Variants in KANSL1L observed in about 807,000 individuals in gnomAD.
The protein encoded by KANSL1L is KAT8 regulatory NSL complex subunit 1-like protein.
A neutral mutation model predicts 108.6 loss-of-function variants in KANSL1L; 25 were observed. The ratio of observed to expected loss-of-function variants is 0.23; its 90% confidence interval spans 0.17 to 0.32. KANSL1L has a LOEUF of 0.32. KANSL1L is among the 10% of genes least tolerant of loss of function. The probability of loss-of-function intolerance (pLI) is 1.00; values close to 1 mark genes in which losing one functional copy is unlikely to be tolerated. For missense variants in KANSL1L, 1,137 were observed against 1,125.7 expected (o/e 1.01, Z -0.14); for synonymous variants, 405 against 395.1 (o/e 1.03, Z -0.30).
intron 3 of KANSL1L, among the ~76,000 whole-genome samples, chr2:210,117,271 A>G (rs2094963778): frequency 6.6e-6 from 1 of 152,240 alleles, no homozygotes; most frequent in African/African-American, 2.4e-5. Context: ...TCAAAAGGGC[A>G]AACCTAAGAT....
At chr2:210,026,258 A>C (rs542980793) in intron 12 of KANSL1L, 27 of 152,336 alleles carry the variant, frequency 1.8e-4, no homozygotes, top group African/African-American at 5.5e-4. Flanking sequence ...ACAGAAACCA[A>C]GTGTCTTCAA....
chr2:210,162,074 A>T (rs2370882), intron 1 of KANSL1L, among the ~76,000 whole-genome samples: 136,818 of 146,332 alleles, frequency 0.93, 64,396 homozygotes, highest in Non-Finnish European at 0.98. Flanking sequence ...AAAAAAAAAA[A>T]AAATATATAT....
intron 3 of KANSL1L, among the ~76,000 whole-genome samples, chr2:210,125,486 A>G (rs1235102988): frequency 6.6e-6 from 1 of 152,188 alleles, no homozygotes; most frequent in Non-Finnish European, 1.5e-5. Context: ...CATTATCCTG[A>G]TGCCAAAGCC....
At chr2:210,077,837 C>T (rs2094553117) in intron 5 of KANSL1L, among the ~76,000 whole-genome samples, 1 of 152,176 alleles carries the variant, frequency 6.6e-6, no homozygotes, top group South Asian at 2.1e-4. Flanking sequence ...GAGCCCTCAT[C>T]TTATGAAATG....
At chr2:210,142,956 T>C (rs2125598288) in intron 2 of KANSL1L, among the ~76,000 whole-genome samples, 1 of 152,252 alleles carries the variant, frequency 6.6e-6, no homozygotes. Flanking sequence ...CTCTGTTAGG[T>C]CCATTTGGCC....
rs1553637881 is a variant in KANSL1L, at chr2:210,022,003, C to CATCT, written c.*945_*946insAGAT. On this transcript the variant is annotated 3_prime_UTR_variant, in exon 15 of 15. Transcript: ENST00000281772. Reference sequence around the variant, plus strand: ...CTTGCTAATCTAGAAATACAATCATCTTTTTTTTTTTTTTCAAATTTTATA... The same window carrying CATCT: ...CTTGCTAATCTAGAAATACAATCATCATCTTTTTTTTTTTTTTTCAAATTTTATA... The CATCT allele has an allele frequency of 7.4e-6, 1 of 134,682 alleles. No individual in the cohort carries two copies. Among genetic ancestry groups the CATCT allele is most frequent in the African/African-American group, 2.7e-5 (1 of 36,638 alleles). The allele number at this position is 134,682 out of a possible 1,614,324, so 8.3% of individuals were successfully genotyped here. A position where few individuals can be genotyped will look rare whatever the true frequency, so the allele number is the denominator to read the frequency against.
intron 3 of KANSL1L, among the ~76,000 whole-genome samples, chr2:210,111,643 A>G (rs572072170): frequency 1.1e-4 from 17 of 152,332 alleles, no homozygotes; most frequent in African/African-American, 4.1e-4. Context: ...AAGCAACATA[A>G]AGACAATCCT....
At chr2:210,031,251 A>G (rs1017211329) in intron 9 of KANSL1L, 170 bp downstream of exon 9, 1 of 533,130 alleles carries the variant, frequency 1.9e-6, no homozygotes, top group African/African-American at 2.0e-5. Context: ...CAGTCCACAA[A>G]TAATTCTAAA....
chr2:210,037,477 T>C (rs1348619586), intron 8 of KANSL1L, among the ~76,000 whole-genome samples: 1 of 152,214 alleles, frequency 6.6e-6, no homozygotes, highest in Non-Finnish European at 1.5e-5. Flanking sequence ...AATACTTATA[T>C]TTTTCTGTAT....
intron 7 of KANSL1L, among the ~76,000 whole-genome samples, chr2:210,041,449 T>G (rs1559508310): frequency 6.6e-6 from 1 of 152,186 alleles, no homozygotes. Context: ...TTTGTTTTTA[T>G]TCTTGAGACA....
rs889186293 is a variant in KANSL1L at position 210,106,037 on chromosome 2, A to C, written c.1231-1736T>G. ...GAAGCCCCTACTGCAGGATAACAAA[A>C]GAAATCTAAGAGAGAAACCATTTGA... is the stretch of plus-strand genomic sequence containing the variant. On this transcript the variant is annotated intron_variant, in intron 3 of 14. Transcript: ENST00000281772. Among the ~76,000 whole-genome samples the C allele has an allele frequency of 2.6e-5, 4 of 152,250 alleles. No homozygotes were observed. In the East Asian group the frequency reaches 7.7e-4, roughly 29 times the overall value.
At chr2:210,050,584 G>T (rs1012822753) in intron 6 of KANSL1L, among the ~76,000 whole-genome samples, 1 of 151,486 alleles carries the variant, frequency 6.6e-6, no homozygotes, top group South Asian at 2.1e-4. Flanking sequence ...TGGCAGGTGC[G>T]TGGTTCACAC....
At chr2:210,103,960 TA>T (rs969662447) in intron 4 of KANSL1L, 143 bp downstream of exon 4, 1 of 588,998 alleles carries the variant, frequency 1.7e-6, no homozygotes, top group African/African-American at 1.9e-5. Flanking sequence ...ATATGTCAAA[TA>T]TTTTAATTGT....
chr2:210,120,806 A>C (rs2095010323), intron 3 of KANSL1L, among the ~76,000 whole-genome samples: 1 of 152,198 alleles, frequency 6.6e-6, no homozygotes, highest in Non-Finnish European at 1.5e-5. Flanking sequence ...ACAAGAAATA[A>C]ACAAACAACC....
intron 7 of KANSL1L, among the ~76,000 whole-genome samples, chr2:210,041,185 A>G (rs940202664): frequency 2.0e-5 from 3 of 152,172 alleles, no homozygotes; most frequent in Non-Finnish European, 4.4e-5. Context: ...TACTCTCACA[A>G]CCAAAGAGGA....
chr2:210,151,523 G>A (rs1003216030), intron 2 of KANSL1L: 24 of 152,296 alleles, frequency 1.6e-4, no homozygotes, highest in African/African-American at 5.5e-4. Context: ...AAGTATCAGT[G>A]ATGCAATGTT....
At chr2:210,142,163 A>T (rs1443926601) in intron 2 of KANSL1L, among the ~76,000 whole-genome samples, 1 of 151,504 alleles carries the variant, frequency 6.6e-6, no homozygotes, top group Non-Finnish European at 1.5e-5. Context: ...GGGGGACTTT[A>T]TTACTGTTTT....
chr2:210,166,315 G>A (rs1310054289), intron 1 of KANSL1L, among the ~76,000 whole-genome samples: 1 of 152,092 alleles, frequency 6.6e-6, no homozygotes, highest in South Asian at 2.1e-4. Context: ...TAATTACCAA[G>A]TCAATAGTTA....
At chr2:210,163,804 A>C (rs370547144) in intron 1 of KANSL1L, among the ~76,000 whole-genome samples, 1 of 152,152 alleles carries the variant, frequency 6.6e-6, no homozygotes, top group African/African-American at 2.4e-5. Flanking sequence ...TATTTTCCCC[A>C]AATAGATCAA....
Sources: allele counts gnomAD v4.1 joint callset (sites outside exome capture counted in the v4.1 genomes callset), GRCh38; gene constraint gnomAD v4.1.1; transcripts MANE v1.5; gene names NCBI Gene and HGNC (gene_info 2026-07-23, HGNC 2026-07-21).